LINGO1: variants seen among roughly 807,000 people sequenced by gnomAD.
LINGO1 encodes leucine-rich repeat and immunoglobulin-like domain-containing nogo receptor-interacting protein 1.
Under a neutral mutation model 37.3 loss-of-function variants are expected in LINGO1, and 11 were observed. The ratio of observed to expected loss-of-function variants is 0.29; its 90% CI spans 0.19 to 0.49. The LOEUF is 0.49. Among genes scored for constraint, LINGO1 ranks in the 20% least tolerant of loss-of-function variants. The pLI is 0.99. For synonymous variants in LINGO1, 387 were observed against 403.0 expected, an observed-to-expected ratio of 0.96 and a Z score of 0.48; for missense variants, 585 against 878.2, an observed-to-expected ratio of 0.67 and a Z score of 4.22.
chr15:77,802,121 G>A (rs1277536975), intron 1 of LINGO1, among the ~76,000 whole-genome samples: 1 of 152,164 alleles, frequency 6.6e-6, no homozygotes, highest in African/African-American at 2.4e-5. Flanking sequence ...TACAGAGAGT[G>A]GGGGGATGAG....
At position 77,771,348 on chromosome 15, in the gene LINGO1, G is replaced by T. The variant is rs371704017; in HGVS notation, c.-257+15521C>A. Among the ~76,000 whole-genome samples the T allele has an allele frequency of 3.9e-5, 6 of 152,302 alleles. 1 individual carries two copies. Among genetic ancestry groups the T allele is most frequent in the African/African-American group, 1.2e-4 (5 of 41,568 alleles). On this transcript the variant is annotated intron_variant, in intron 1 of 3. Transcript: ENST00000561686. ...TTTTCCAGATGAGGGAACGAGACTT[G>T]CCCAAGGTCCCCAGTGATAAGGGCC...
chr15:77,729,245 G>A (rs1048171181), intron 2 of LINGO1, among the ~76,000 whole-genome samples: 1 of 152,202 alleles, frequency 6.6e-6, no homozygotes, highest in Non-Finnish European at 1.5e-5. Flanking sequence ...GCTAAGGAAG[G>A]GGATGCAAAG....
chr15:77,763,396 C>A (rs1208376379), intron 1 of LINGO1, among the ~76,000 whole-genome samples: 3 of 152,094 alleles, frequency 2.0e-5, no homozygotes, highest in Non-Finnish European at 4.4e-5. Flanking sequence ...AGTACCTCCC[C>A]CAGCCCTCAC....
At chr15:77,812,506 C>A (rs1412412675) in intron 1 of LINGO1, among the ~76,000 whole-genome samples, 1 of 152,186 alleles carries the variant, frequency 6.6e-6, no homozygotes, top group Non-Finnish European at 1.5e-5. Flanking sequence ...GGCAAAAGCT[C>A]CCCAGCTGCT....
intron 3 of LINGO1, chr15:77,647,921 T>A: frequency 2.2e-6 from 1 of 456,598 alleles, no homozygotes; most frequent in Non-Finnish European, 4.4e-6. Flanking sequence ...TCCCCTTCTC[T>A]ATGAAAATTG....
chr15:77,641,797 G>A (rs949269419), intron 3 of LINGO1: 1 of 453,712 alleles, frequency 2.2e-6, no homozygotes, highest in African/African-American at 2.0e-5. Flanking sequence ...AGCACTGTGG[G>A]TTCAGATAGC....
chr15:77,739,087 C>A (rs901566862), intron 1 of LINGO1, among the ~76,000 whole-genome samples: 3 of 152,234 alleles, frequency 2.0e-5, no homozygotes, highest in Non-Finnish European at 4.4e-5. Context: ...GGCTCTCACA[C>A]CTGCCAACCT....
intron 2 of LINGO1, among the ~76,000 whole-genome samples, chr15:77,707,126 C>T (rs1596137795): frequency 6.6e-6 from 1 of 152,176 alleles, no homozygotes; most frequent in African/African-American, 2.4e-5. Context: ...AGGCTGCAGG[C>T]TGCAGGCAGG....
At chr15:77,668,259 A>G (rs1423563405) in intron 3 of LINGO1, among the ~76,000 whole-genome samples, 1 of 152,176 alleles carries the variant, frequency 6.6e-6, no homozygotes, top group East Asian at 1.9e-4. Flanking sequence ...TCTGAAGCAA[A>G]TATCCTCCCA....
At chr15:77,753,890 C>T (rs1453383944) in intron 1 of LINGO1, among the ~76,000 whole-genome samples, 1 of 152,232 alleles carries the variant, frequency 6.6e-6, no homozygotes, top group East Asian at 1.9e-4. Context: ...CCCTTATGCA[C>T]CCATTTAACA....
chr15:77,792,316 T>C (rs1205314017), intron 2 of LINGO1, among the ~76,000 whole-genome samples: 1 of 149,378 alleles, frequency 6.7e-6, no homozygotes, highest in Admixed American at 6.7e-5. Flanking sequence ...CCCCACCACC[T>C]CTGGTCTGGA....
intron 2 of LINGO1, among the ~76,000 whole-genome samples, chr15:77,705,121 C>G (rs1212678951): frequency 6.7e-6 from 1 of 149,428 alleles, no homozygotes; most frequent in Non-Finnish European, 1.5e-5. Context: ...CCTCCCCACA[C>G]CTTCCCTCAT....
At chr15:77,761,615 C>T (rs982596451) in intron 1 of LINGO1, among the ~76,000 whole-genome samples, 1 of 152,202 alleles carries the variant, frequency 6.6e-6, no homozygotes, top group Non-Finnish European at 1.5e-5. Flanking sequence ...AGGCACAGGA[C>T]ATTCCAGGTA....
chr15:77,729,746 G>A (rs2076137150), intron 2 of LINGO1, among the ~76,000 whole-genome samples: 2 of 152,298 alleles, frequency 1.3e-5, no homozygotes, highest in Non-Finnish European at 2.9e-5. Flanking sequence ...CCTGTGGACA[G>A]CACAGTTCTC....
intron 1 of LINGO1, among the ~76,000 whole-genome samples, chr15:77,767,944 T>C (rs2076545692): frequency 6.6e-6 from 1 of 152,150 alleles, no homozygotes; most frequent in Admixed American, 6.5e-5. Flanking sequence ...AATAAGCCAG[T>C]TATTTAGACG....
chr15:77,635,154 A>C (rs375876984), upstream of LINGO1, among the ~76,000 whole-genome samples: 18 of 152,284 alleles, frequency 1.2e-4, no homozygotes, highest in East Asian at 2.9e-3. Context: ...AGGGATGACC[A>C]CGGAGCTGTG....
chr15:77,676,565 C>A (rs2075331314), intron 3 of LINGO1, among the ~76,000 whole-genome samples: 1 of 152,132 alleles, frequency 6.6e-6, no homozygotes, highest in Admixed American at 6.5e-5. Context: ...CAGAGGGGGA[C>A]TGAAAGTTGA....
At chr15:77,729,557 C>T (rs1310432623) in intron 2 of LINGO1, among the ~76,000 whole-genome samples, 1 of 152,198 alleles carries the variant, frequency 6.6e-6, no homozygotes, top group Non-Finnish European at 1.5e-5. Flanking sequence ...CCCCAGATCA[C>T]TCTGTGCAGG....
intron 3 of LINGO1, among the ~76,000 whole-genome samples, chr15:77,646,179 A>G (rs1211444624): frequency 6.6e-6 from 1 of 152,242 alleles, no homozygotes; most frequent in African/African-American, 2.4e-5. Flanking sequence ...CTAGTAAAGT[A>G]GTAAAATAGT....
Sources: allele counts gnomAD v4.1 joint callset (sites outside exome capture counted in the v4.1 genomes callset), GRCh38; gene constraint gnomAD v4.1.1; transcripts MANE v1.5; gene names NCBI Gene and HGNC (gene_info 2026-07-23, HGNC 2026-07-21).